Variants in GRID1 observed in about 807,000 individuals in gnomAD.
GRID1 encodes the protein glutamate receptor ionotropic, delta-1.
Under a neutral mutation model 98.0 loss-of-function variants are expected in GRID1, and 28 were observed. That is an observed-to-expected ratio of 0.29 (90% CI 0.21 to 0.39). The LOEUF (loss-of-function observed/expected upper bound fraction) is 0.39. Among genes scored for constraint, GRID1 ranks in the 10% least tolerant of loss-of-function variants. The pLI is 1.00. For synonymous variants in GRID1, 553 were observed against 538.5 expected (o/e 1.03, Z -0.37); for missense variants, 1,111 against 1,340.5 (o/e 0.83, Z 2.67).
chr10:86,251,603 T>A (rs1032418367), intron 2 of GRID1, among the ~76,000 whole-genome samples: 1 of 152,048 alleles, frequency 6.6e-6, no homozygotes, highest in Admixed American at 6.5e-5. Context: ...GGCCTGGGGA[T>A]CTGGGATCAG....
intron 4 of GRID1, among the ~76,000 whole-genome samples, chr10:86,034,949 G>GATGGATGGATGGATGGATGC (rs879670441): frequency 2.2e-4 from 33 of 151,480 alleles, no homozygotes; most frequent in African/African-American, 6.8e-4. Context: ...TGGATGGATG[G>GATGGATGGATGGATGGATGC]ATGGATAGAT....
chr10:86,075,479 A>C (rs764053822), intron 4 of GRID1, among the ~76,000 whole-genome samples: 139 of 152,246 alleles, frequency 9.1e-4, no homozygotes, highest in Non-Finnish European at 1.8e-3. Flanking sequence ...CACAGCCCTC[A>C]GAAGGAACCA....
At chr10:85,860,436 G>A (rs1046098955) in intron 6 of GRID1, among the ~76,000 whole-genome samples, 14 of 152,210 alleles carry the variant, frequency 9.2e-5, no homozygotes, top group Non-Finnish European at 7.3e-5. Context: ...CCTGGAGCCA[G>A]GTCAGAGATG....
At chr10:86,153,121 G>C (rs1845193395) in intron 3 of GRID1, among the ~76,000 whole-genome samples, 3 of 152,182 alleles carry the variant, frequency 2.0e-5, no homozygotes, top group African/African-American at 7.2e-5. Flanking sequence ...GTGCCACAGA[G>C]CTTCCCGTGC....
Position 86,206,301 on chromosome 10 carries a change from G to T in GRID1, c.520+63C>A. ...GGTCCAGGGCCCCACCCACTCTCAG[G>T]TCTCCCAGCATCTGGCCATCCCTGT... On this transcript the variant is annotated intron_variant, in intron 3 of 15. Transcript: ENST00000327946. This position sits in a 1 kb window ranked among gnomAD's most constrained non-coding sequence, Gnocchi z 4.1. 6.6e-7 allele frequency: 1 copy of T among 1,507,510 alleles called. No homozygotes were observed. Among genetic ancestry groups the T allele is most frequent in the Non-Finnish European group, 9.0e-7 (1 of 1,111,784 alleles). 93.4% of individuals were successfully genotyped at this position (1,507,510 alleles called of 1,614,324 possible).
chr10:85,672,169 G>A (rs1841093813), intron 12 of GRID1, among the ~76,000 whole-genome samples: 1 of 151,480 alleles, frequency 6.6e-6, no homozygotes, highest in Admixed American at 6.6e-5. Flanking sequence ...CCTTCTATTG[G>A]AAGAAAACAC....
intron 4 of GRID1, among the ~76,000 whole-genome samples, chr10:85,920,935 G>A (rs191233077): frequency 3.6e-4 from 55 of 152,302 alleles, no homozygotes; most frequent in Admixed American, 1.6e-3. Context: ...GAATTGCTGC[G>A]GTGGCCAGAT....
chr10:86,095,596 CAT>C (rs1302250380), intron 4 of GRID1, among the ~76,000 whole-genome samples: 4 of 152,216 alleles, frequency 2.6e-5, no homozygotes, highest in South Asian at 4.1e-4. Context: ...GGCCAACAAA[CAT>C]ATCAAAAAAA....
intron 8 of GRID1, among the ~76,000 whole-genome samples, chr10:85,816,696 CATT>C (rs1842719312): frequency 6.6e-6 from 1 of 152,072 alleles, no homozygotes; most frequent in South Asian, 2.1e-4. Context: ...TTTTTGTTAT[CATT>C]ATTATTTTAA....
intron 6 of GRID1, among the ~76,000 whole-genome samples, chr10:85,859,371 G>GGATGGAGT (rs1389017203): frequency 6.6e-6 from 1 of 151,998 alleles, no homozygotes; most frequent in Non-Finnish European, 1.5e-5. Flanking sequence ...ATGGATGGGT[G>GGATGGAGT]GATGGAGTGA....
intron 8 of GRID1, among the ~76,000 whole-genome samples, chr10:85,734,249 TG>T (rs1232996858): frequency 6.6e-6 from 1 of 152,120 alleles, no homozygotes. Flanking sequence ...ACTGTTGAGT[TG>T]GGAGATAGGA....
intron 8 of GRID1, among the ~76,000 whole-genome samples, chr10:85,786,982 A>G (rs1290668841): frequency 2.6e-5 from 4 of 152,200 alleles, no homozygotes; most frequent in Non-Finnish European, 5.9e-5. Flanking sequence ...GGGCAGAGCC[A>G]TGGCTGGGGC....
At chr10:85,965,339 A>G (rs1168959573) in intron 4 of GRID1, among the ~76,000 whole-genome samples, 1 of 152,240 alleles carries the variant, frequency 6.6e-6, no homozygotes, top group Middle Eastern at 3.2e-3. Flanking sequence ...ATGCACACAT[A>G]TGTTTATTGT....
intron 14 of GRID1, among the ~76,000 whole-genome samples, chr10:85,617,092 A>C (rs1045973984): frequency 6.6e-6 from 1 of 152,206 alleles, no homozygotes; most frequent in African/African-American, 2.4e-5. Flanking sequence ...GCAGTTCCAC[A>C]TAAGGCTGGG....
intron 3 of GRID1, among the ~76,000 whole-genome samples, chr10:86,198,548 T>C (rs555912690): frequency 6.6e-6 from 1 of 152,244 alleles, no homozygotes; most frequent in South Asian, 2.1e-4. Context: ...CCCTGACATC[T>C]ATTGACTCAT....
chr10:85,980,431 C>CT (rs149034682), intron 4 of GRID1, among the ~76,000 whole-genome samples: 8,523 of 152,316 alleles, frequency 0.056, 300 homozygotes, highest in Middle Eastern at 0.092. Flanking sequence ...GAGAAACTGT[C>CT]TGTCTACAGA....
intron 8 of GRID1, among the ~76,000 whole-genome samples, chr10:85,849,542 A>T (rs532175746): frequency 1.3e-5 from 2 of 152,270 alleles, no homozygotes; most frequent in South Asian, 4.2e-4. Context: ...ACAGGAAGGG[A>T]CTGTGATGCC....
rs889101991 is a variant in GRID1, at chr10:85,667,135, G to A, written c.1998-19738C>T. 5.3e-5 allele frequency among the ~76,000 whole-genome samples: 8 copies of A among 152,272 alleles called. No homozygotes were observed. In the South Asian group the frequency reaches 6.2e-4, roughly 12 times the overall value. ...AAGTAGTGAAGACCTCGCTCTCTGC[G>A]GTTATGTGATTGACGTGACTGTCTC... On this transcript the variant is annotated intron_variant, in intron 12 of 15. Transcript: ENST00000327946.
intron 12 of GRID1, among the ~76,000 whole-genome samples, chr10:85,679,215 T>A (rs1841179631): frequency 6.6e-6 from 1 of 152,224 alleles, no homozygotes; most frequent in Admixed American, 6.5e-5. Context: ...CTCATTGGAA[T>A]AGCACAGCAT....
Sources: gnomAD v4.1 joint callset for allele counts (sites outside exome capture counted in the v4.1 genomes callset) on GRCh38, gnomAD v4.1.1 for gene constraint, Gnocchi (gnomAD v3.1) non-coding constraint, MANE v1.5 for transcripts, NCBI Gene and HGNC (gene_info 2026-07-23, HGNC 2026-07-21) for gene names.